The following PDE8B variants were observed in gnomAD, a reference collection of about 807,000 sequenced individuals.
PDE8B encodes the protein high affinity cAMP-specific and IBMX-insensitive 3',5'-cyclic phosphodiesterase 8B.
PDE8B carries 26 observed loss-of-function variants against 101.3 expected under a neutral mutation model. The observed-to-expected ratio is 0.26, with a 90% confidence interval of 0.19 to 0.36. PDE8B has a LOEUF of 0.36. PDE8B is among the 10% of genes least tolerant of loss of function. PDE8B has a pLI of 1.00. For synonymous variants in PDE8B, 424 were observed against 429.3 expected (o/e 0.99, Z 0.15); for missense variants, 810 against 1,163.1 (o/e 0.70, Z 4.42).
the PDE8B span, among the ~76,000 whole-genome samples, chr5:77,095,678 G>A: frequency 1.3e-5 from 2 of 152,160 alleles, no homozygotes; most frequent in African/African-American, 4.8e-5. Context: ...ACCGTGATGG[G>A]CTTCATCTTC....
At chr5:77,157,828 T>G in the PDE8B span, among the ~76,000 whole-genome samples, 2 of 152,198 alleles carry the variant, frequency 1.3e-5, no homozygotes, top group South Asian at 4.1e-4. Flanking sequence ...GCCTCCCTGT[T>G]TAGGACAGCA....
intron 1 of PDE8B, among the ~76,000 whole-genome samples, chr5:77,303,368 C>T (rs1045942661): frequency 6.6e-6 from 1 of 152,010 alleles, no homozygotes; most frequent in Non-Finnish European, 1.5e-5. Flanking sequence ...GGTGAAACCC[C>T]GTCTCTACTA....
chr5:77,251,201 G>C (rs769804756), intron 1 of PDE8B, among the ~76,000 whole-genome samples: 62 of 152,184 alleles, frequency 4.1e-4, no homozygotes, highest in Non-Finnish European at 3.7e-4. Context: ...GCGTTGTCAG[G>C]AGTATTGCTG....
At chr5:77,405,604 G>T (rs1793260736) in intron 12 of PDE8B, among the ~76,000 whole-genome samples, 1 of 152,090 alleles carries the variant, frequency 6.6e-6, no homozygotes, top group South Asian at 2.1e-4. Context: ...AGGACAGAGG[G>T]TCCAAGCCTG....
At chr5:77,284,462 A>G (rs1285066340) in intron 1 of PDE8B, among the ~76,000 whole-genome samples, 1 of 152,212 alleles carries the variant, frequency 6.6e-6, no homozygotes, top group Non-Finnish European at 1.5e-5. Context: ...TGCATATTAC[A>G]TTTAGGTTAG....
chr5:77,090,702 T>A, the PDE8B span, among the ~76,000 whole-genome samples: 1 of 152,226 alleles, frequency 6.6e-6, no homozygotes, highest in Non-Finnish European at 1.5e-5. Context: ...AAGACATCCA[T>A]GTTGTTGCAA....
At chr5:77,308,344 G>A (rs1771740769) in intron 1 of PDE8B, among the ~76,000 whole-genome samples, 1 of 152,228 alleles carries the variant, frequency 6.6e-6, no homozygotes, top group Admixed American at 6.5e-5. Context: ...ACCCACGCCG[G>A]TAGTGCAGGT....
chr5:77,396,992 G>T (rs1181827567), intron 10 of PDE8B, among the ~76,000 whole-genome samples: 1 of 146,714 alleles, frequency 6.8e-6, no homozygotes, highest in Admixed American at 6.9e-5. Context: ...GAACTAAAAG[G>T]CATTTGAGTT....
chr5:77,307,209 C>T (rs1580930310), intron 1 of PDE8B, among the ~76,000 whole-genome samples: 1 of 152,262 alleles, frequency 6.6e-6, no homozygotes, highest in East Asian at 1.9e-4. Context: ...GCTTTCCTGC[C>T]TCCATGCCTG....
At chr5:77,190,585 C>T in the PDE8B span, among the ~76,000 whole-genome samples, 4 of 152,350 alleles carry the variant, frequency 2.6e-5, no homozygotes, top group Admixed American at 6.5e-5. Flanking sequence ...TCACTGAAAT[C>T]TGATCTGACA....
rs140890101 is a variant in PDE8B at position 77,257,535 on chromosome 5, A to G, written c.339+46271A>G. 2.3e-3 allele frequency among the ~76,000 whole-genome samples: 344 copies of G among 152,350 alleles called. 2 individuals carry two copies. The highest frequency in any genetic ancestry group is 7.8e-3 in the African/African-American group (323 of 41,582). ...TGAGTCAAGAGGACATAATAATACT[A>G]AAATATTATGCATCTAATAATAGGG... On this transcript the variant is annotated intron_variant, in intron 1 of 21. Transcript: ENST00000264917.
rs181435749 is a variant in PDE8B at position 77,406,621 on chromosome 5, A to G, written c.1289-760A>G. On this transcript the variant is annotated intron_variant, in intron 12 of 21. Transcript: ENST00000264917. ...GGGGGGACCCCAGAGGTGGCTGAGC[A>G]GGAGGCAGGCTCTGATGTGGGGTGG... 2.0e-3 allele frequency among the ~76,000 whole-genome samples: 308 copies of G among 152,284 alleles called. 5 individuals are homozygous for G. The highest frequency in any genetic ancestry group is 0.013 in the Admixed American group (192 of 15,304).
At chr5:77,318,055 C>CAAAAAAAAAAAAA (rs55952764) in intron 2 of PDE8B, among the ~76,000 whole-genome samples, 2 of 57,180 alleles carry the variant, frequency 3.5e-5, no homozygotes, top group African/African-American at 1.4e-4. Context: ...GACTCCATCT[C>CAAAAAAAAAAAAA]AAAAAAAAAA....
chr5:77,246,237 A>G (rs957775578), intron 1 of PDE8B, among the ~76,000 whole-genome samples: 1 of 152,146 alleles, frequency 6.6e-6, no homozygotes, highest in African/African-American at 2.4e-5. Flanking sequence ...TATTGCATTC[A>G]TGCTATTATT....
intron 14 of PDE8B, 122 bp from the exon 15 acceptor site, chr5:77,411,554 A>G (rs1794561509): frequency 2.6e-6 from 2 of 772,766 alleles, no homozygotes; most frequent in Non-Finnish European, 2.2e-6. Context: ...CTTTGCTTCA[A>G]CTTAGACTTC....
the PDE8B span, among the ~76,000 whole-genome samples, chr5:77,202,914 T>A: frequency 1.2e-4 from 19 of 152,354 alleles, no homozygotes; most frequent in African/African-American, 4.6e-4. Context: ...GTTAAAGTTT[T>A]TGAGGAGTCA....
At chr5:77,181,545 C>T in the PDE8B span, among the ~76,000 whole-genome samples, 14 of 152,188 alleles carry the variant, frequency 9.2e-5, no homozygotes, top group Non-Finnish European at 2.1e-4. Context: ...CTAGCTGTGC[C>T]CATCCATTCT....
At chr5:77,393,074 T>G (rs963097386) in intron 10 of PDE8B, among the ~76,000 whole-genome samples, 2 of 152,106 alleles carry the variant, frequency 1.3e-5, no homozygotes, top group Non-Finnish European at 2.9e-5. Flanking sequence ...TAGCCCAAAT[T>G]GTAGGCAAAT....
chr5:77,327,329 C>T (rs1036077638), intron 3 of PDE8B, among the ~76,000 whole-genome samples: 3 of 152,178 alleles, frequency 2.0e-5, no homozygotes, highest in African/African-American at 4.8e-5. Flanking sequence ...CTTACCATAC[C>T]GGTTCCTTTG....
Sources: gnomAD v4.1 joint callset for allele counts (sites outside exome capture counted in the v4.1 genomes callset) on GRCh38, gnomAD v4.1.1 for gene constraint, MANE v1.5 for transcripts, NCBI Gene and HGNC (gene_info 2026-07-23, HGNC 2026-07-21) for gene names.